The following APEX1 variants were observed in gnomAD, a reference collection of about 807,000 sequenced individuals.
APEX1 encodes the protein DNA repair nuclease/redox regulator APEX1.
A neutral mutation model predicts 33.2 loss-of-function variants in APEX1; 32 were observed. That is an observed-to-expected ratio of 0.96 (90% CI 0.73 to 1.29). APEX1 has a LOEUF of 1.29. Among genes scored for constraint, APEX1 ranks in the 50% most tolerant of loss-of-function variants. The pLI, the probability that APEX1 is intolerant of heterozygous loss-of-function variation, is 0.00. For missense variants in APEX1, 442 were observed against 395.6 expected, an observed-to-expected ratio of 1.12 and a Z score of -0.99; for synonymous variants, 175 against 156.6, an observed-to-expected ratio of 1.12 and a Z score of -0.88.
At position 20,457,621 on chromosome 14, in the gene APEX1, A is replaced by C. The variant is rs1881472566; in HGVS notation, c.*113A>C. On this transcript the variant is annotated 3_prime_UTR_variant, in exon 5 of 5. Transcript: ENST00000216714. ...CTATTTCTCATGTATAAAACTAGGA[A>C]TCCTCCAACCAGGCTCCTGTGATAG... 1 of 1,434,364 alleles carries C rather than the reference A, an allele frequency of 7.0e-7. No individual in the cohort carries two copies. Among genetic ancestry groups the C allele is most frequent in the Non-Finnish European group, 9.7e-7 (1 of 1,030,268 alleles). 88.9% of individuals were successfully genotyped at this position (1,434,364 alleles called of 1,614,324 possible). A position where few individuals can be genotyped will look rare whatever the true frequency, so the allele number is the denominator to read the frequency against.
At chr14:20,456,583 C>T (rs1881371396) in intron 3 of APEX1, 85 bp from the exon 4 acceptor site, 6 of 1,296,986 alleles carry the variant, frequency 4.6e-6, no homozygotes, top group East Asian at 2.3e-5. Flanking sequence ...TTAACCCGTG[C>T]GTATCTATGA....
intron 3 of APEX1, 84 bp from the exon 4 acceptor site, chr14:20,456,584 G>C: frequency 7.6e-7 from 1 of 1,316,878 alleles, no homozygotes; most frequent in South Asian, 1.2e-5. Flanking sequence ...TAACCCGTGC[G>C]TATCTATGAC....
At position 20,457,081 on chromosome 14, in the gene APEX1, G is replaced by T; in HGVS notation, c.530G>T (p.Arg177Leu). The change falls in exon 5 of 5, where the codon CGA (arginine) becomes CTA (leucine). Residue 177 changes from arginine to leucine, a missense_variant. Physicochemically the swap from Arg to Leu is moderately radical, Grantham distance 102. Coordinates refer to ENST00000216714, the MANE Select transcript of APEX1 (RefSeq NM_001641.4). ...ACAGCATATGTACCTAATGCAGGCC[G>T]AGGTCTGGTACGACTGGAGTACCGG... The part of the protein sequence containing the change: ...LVTAYVPNAG[R>L]GLVRLEYRQR... 6.2e-7 allele frequency: 1 copy of T among 1,614,222 alleles called. No individual in the cohort carries two copies. The highest frequency in any genetic ancestry group is 8.5e-7 in the Non-Finnish European group (1 of 1,180,044).
chr14:20,456,450 A>ATG (rs1231553198), intron 3 of APEX1, among the ~76,000 whole-genome samples: 1 of 152,158 alleles, frequency 6.6e-6, no homozygotes, highest in African/African-American at 2.4e-5. Flanking sequence ...TATAGAAAAA[A>ATG]CACATCTCCT....
At position 20,457,138 on chromosome 14, in the gene APEX1, T is replaced by C; in HGVS notation, c.587T>C (p.Leu196Pro). The C allele has an allele frequency of 6.2e-7, 1 of 1,614,212 alleles. No individual in the cohort carries two copies. Among genetic ancestry groups the C allele is most frequent in the Non-Finnish European group, 8.5e-7 (1 of 1,180,046 alleles). ...QRWDEAFRKF[L>P]KGLASRKPLV... The stretch of plus-strand genomic sequence containing the variant: ...TGGGATGAAGCCTTTCGCAAGTTCC[T>C]GAAGGGCCTGGCTTCCCGAAAGCCC... Residue 196 changes from leucine to proline, a missense_variant, in exon 5 of 5, where the codon CTG becomes CCG. By Grantham distance (98) the Leu-to-Pro change is moderately conservative. Coordinates refer to ENST00000216714, the MANE Select transcript of APEX1 (RefSeq NM_001641.4).
chr14:20,455,996 C>A lies in APEX1; in HGVS notation c.141C>A (p.Asp47Glu), dbSNP rs1881315577. ...AAGEGPALYEDPPDQKTSPSG... is the reference protein window; with the variant it reads ...AAGEGPALYEEPPDQKTSPSG... ...GAGAGGGCCCAGCCCTGTATGAGGA[C>A]CCCCCAGATCAGAAAACCTCACCCA... The change falls in exon 3 of 5, where the codon GAC becomes GAA. Residue 47 changes from aspartate to glutamate, a missense_variant. Asp to Glu is a conservative substitution (Grantham distance 45). Coordinates refer to ENST00000216714, the MANE Select transcript of APEX1 (RefSeq NM_001641.4). The A allele has an allele frequency of 1.9e-6, 3 of 1,614,058 alleles. No individual in the cohort carries two copies. In the East Asian group the frequency reaches 6.7e-5, roughly 36 times the overall value.
rs746611185 is a variant in APEX1, at chr14:20,455,951, A to G, written c.96A>G (p.Lys32=). The G allele has an allele frequency of 7.4e-6, 12 of 1,614,224 alleles. No homozygotes were observed. Among genetic ancestry groups the G allele is most frequent in the South Asian group, 1.1e-5 (1 of 91,088 alleles). Residue 32 remains lysine, a synonymous_variant, in exon 3 of 5, where the codon AAA becomes AAG. Coordinates refer to ENST00000216714, the MANE Select transcript of APEX1 (RefSeq NM_001641.4). The stretch of plus-strand genomic sequence containing the variant: ...AGAAGAGTAAGACGGCCGCAAAGAA[A>G]AATGACAAAGAGGCAGCAGGAGAGG... The part of the protein sequence containing the change: ...EAKKSKTAAK[K]NDKEAAGEGP...
Position 20,456,222 on chromosome 14 carries a change from T to C in APEX1, c.246+121T>C, listed in dbSNP as rs562410273. ...TTTTTCTCCTGCCCGTAGTTTTCTG[T>C]GGGGCTTCCCCAGTCTTGCCAGTTG... On this transcript the variant is annotated intron_variant, in intron 3 of 4. Transcript: ENST00000216714. 2.2e-4 allele frequency: 249 copies of C among 1,136,296 alleles called. 1 individual carries two copies. The highest frequency in any genetic ancestry group is 3.1e-4 in the Non-Finnish European group (241 of 773,230). The allele number at this position is 1,136,296 out of a possible 1,614,324, so 70.4% of individuals were successfully genotyped here. A position where few individuals can be genotyped will look rare whatever the true frequency, so the allele number is the denominator to read the frequency against.
At chr14:20,456,580 G>A (rs527859365) in intron 3 of APEX1, 88 bp from the exon 4 acceptor site, 133 of 1,281,370 alleles carry the variant, frequency 1.0e-4, no homozygotes, top group Middle Eastern at 7.7e-4. Flanking sequence ...TGTTTAACCC[G>A]TGCGTATCTA....
rs1881395510 is a variant in APEX1, at chr14:20,456,838, A to G, written c.417A>G (p.Pro139=). The change falls in exon 4 of 5, where the codon CCA becomes CCG. Residue 139 remains proline, a synonymous_variant. Coordinates refer to ENST00000216714, the MANE Select transcript of APEX1 (RefSeq NM_001641.4). ...SGVGLLSRQC[P]LKVSYGIGDE... The stretch of plus-strand genomic sequence containing the variant: ...TGGGCCTGCTTTCCCGCCAGTGCCC[A>G]CTCAAAGTTTCTTACGGCATAGGTG... 2 of 1,613,874 alleles carry G rather than the reference A, an allele frequency of 1.2e-6. No individual in the cohort carries two copies. The highest frequency in any genetic ancestry group is 2.2e-5 in the East Asian group (1 of 44,888).
In APEX1 at chr14:20,457,151, T is replaced by C; in HGVS notation, c.600T>C (p.Ala200=). The C allele has an allele frequency of 6.2e-7, 1 of 1,614,192 alleles. No individual in the cohort carries two copies. The highest frequency in any genetic ancestry group is 1.7e-5 in the Admixed American group (1 of 60,024). The change falls in exon 5 of 5, where the codon GCT becomes GCC. Residue 200 remains alanine, a synonymous_variant. Transcript: ENST00000216714. ...TTCGCAAGTTCCTGAAGGGCCTGGCTTCCCGAAAGCCCCTTGTGCTGTGTG... is the reference window on the plus strand; with the variant it reads ...TTCGCAAGTTCCTGAAGGGCCTGGCCTCCCGAAAGCCCCTTGTGCTGTGTG... ...EAFRKFLKGL[A]SRKPLVLCGD...
chr14:20,456,916 C>CT, intron 4 of APEX1, 56 bp downstream of exon 4: 4 of 1,603,476 alleles, frequency 2.5e-6, no homozygotes, highest in Non-Finnish European at 3.4e-6. Context: ...TGCTAATTCT[C>CT]TATCTCTGCC....
At chr14:20,456,240 GC>G in intron 3 of APEX1, 139 bp downstream of exon 3, 1 of 969,992 alleles carries the variant, frequency 1.0e-6, no homozygotes, top group Non-Finnish European at 1.6e-6. Context: ...CCCCAGTCTT[GC>G]CAGTTGTATT....
Position 20,456,730 on chromosome 14 carries a change from A to T in APEX1, c.309A>T (p.Lys103Asn). The change falls in exon 4 of 5, where the codon AAA becomes AAT. Residue 103 changes from lysine (K) to asparagine (N), a missense_variant. By Grantham distance (94) the Lys-to-Asn change is moderately conservative (BLOSUM62 0). Transcript: ENST00000216714. Reference sequence around the variant, plus strand: ...AAGAGACCAAATGTTCAGAGAACAAACTACCAGCTGAACTTCAGGAGCTGC... The same window carrying T: ...AAGAGACCAAATGTTCAGAGAACAATCTACCAGCTGAACTTCAGGAGCTGC... Reference protein sequence around the residue: ...CLQETKCSENKLPAELQELPG... With the variant: ...CLQETKCSENNLPAELQELPG... 2 of 1,614,248 alleles carry T rather than the reference A, an allele frequency of 1.2e-6. No homozygotes were observed. The highest frequency in any genetic ancestry group is 1.7e-6 in the Non-Finnish European group (2 of 1,180,046).
Position 20,456,853 on chromosome 14 carries a change from C to A in APEX1, c.432C>A (p.Tyr144Ter), listed in dbSNP as rs749845748. ...LSRQCPLKVS[Y>*]GIGDEEHDQE... ...GCCAGTGCCCACTCAAAGTTTCTTA[C>A]GGCATAGGTGAGACCCTATTGATGC... The change falls in exon 4 of 5, where the codon TAC becomes TAA. Residue 144 changes from tyrosine (Y) to a stop codon, truncating the protein, a stop_gained. Coordinates refer to ENST00000216714, the MANE Select transcript of APEX1 (RefSeq NM_001641.4). LOFTEE classifies it high-confidence loss of function. The A allele has an allele frequency of 1.1e-5, 17 of 1,613,744 alleles. No homozygotes were observed. The highest frequency in any genetic ancestry group is 1.4e-5 in the Non-Finnish European group (17 of 1,179,870).
Position 20,455,318 on chromosome 14 carries a change from C to A in APEX1, c.-145C>A, listed in dbSNP as rs181509014. On this transcript the variant is annotated 5_prime_UTR_variant, in exon 1 of 5. Transcript: ENST00000216714. ...TTGCTCATAAGAGGGGCTTCGCTGG[C>A]AGTCTGAACGGCAAGCTTGAGTCAG... is the stretch of plus-strand genomic sequence containing the variant. 19 of 465,212 alleles carry A rather than the reference C, an allele frequency of 4.1e-5. No homozygotes were observed. In the Admixed American group the frequency reaches 6.3e-4, roughly 15 times the overall value. 28.8% of individuals were successfully genotyped at this position (465,212 alleles called of 1,614,324 possible).
At chr14:20,456,580 G>C (rs527859365) in intron 3 of APEX1, 88 bp from the exon 4 acceptor site, 1 of 1,281,252 alleles carries the variant, frequency 7.8e-7, no homozygotes, top group South Asian at 1.2e-5. Flanking sequence ...TGTTTAACCC[G>C]TGCGTATCTA....
In APEX1 at chr14:20,457,129, G is replaced by C. The variant is rs367614890; in HGVS notation, c.578G>C (p.Arg193Pro). The change falls in exon 5 of 5, where the codon CGC becomes CCC. Residue 193 changes from arginine to proline, a missense_variant. Transcript: ENST00000216714. ...CGGCAGCGCTGGGATGAAGCCTTTCGCAAGTTCCTGAAGGGCCTGGCTTCC... is the reference window on the plus strand; with the variant it reads ...CGGCAGCGCTGGGATGAAGCCTTTCCCAAGTTCCTGAAGGGCCTGGCTTCC... The part of the protein sequence containing the change: ...EYRQRWDEAF[R>P]KFLKGLASRK... 34 of 1,614,036 alleles carry C rather than the reference G, an allele frequency of 2.1e-5. No individual in the cohort carries two copies. The highest frequency in any genetic ancestry group is 6.7e-5 in the African/African-American group (5 of 74,904).
intron 1 of APEX1, 40 bp downstream of exon 1, chr14:20,455,434 G>A (rs1881272089): frequency 9.8e-6 from 7 of 717,114 alleles, no homozygotes; most frequent in African/African-American, 1.8e-5. Flanking sequence ...CGTGGGTGAG[G>A]GGCTGAAGGG....
Sources: allele counts gnomAD v4.1 joint callset (sites outside exome capture counted in the v4.1 genomes callset), GRCh38; gene constraint gnomAD v4.1.1; transcripts MANE v1.5; gene names NCBI Gene and HGNC (gene_info 2026-07-23, HGNC 2026-07-21).